The following DNAH9 variants were observed in gnomAD, a reference collection of about 807,000 sequenced individuals.
The protein encoded by DNAH9 is dynein axonemal heavy chain 9.
DNAH9 carries 345 observed loss-of-function variants against 471.6 expected under a neutral mutation model. The observed-to-expected ratio is 0.73, with a 90% confidence interval of 0.67 to 0.80. The LOEUF is 0.80. DNAH9 is among the 30% of genes least tolerant of loss of function. The pLI is 0.00. For missense variants in DNAH9, 5,407 were observed against 5,609.2 expected, an observed-to-expected ratio of 0.96 and a Z score of 1.15; for synonymous variants, 2,093 against 2,123.6, an observed-to-expected ratio of 0.99 and a Z score of 0.40.
intron 60 of DNAH9, among the ~76,000 whole-genome samples, chr17:11,903,543 A>G (rs879285047): frequency 2.6e-5 from 4 of 152,198 alleles, no homozygotes; most frequent in South Asian, 4.1e-4. Flanking sequence ...TTTTTAAAAG[A>G]AAAAAGAAGT....
intron 38 of DNAH9, among the ~76,000 whole-genome samples, chr17:11,771,120 A>C (rs1968187896): frequency 6.6e-6 from 1 of 152,062 alleles, no homozygotes; most frequent in South Asian, 2.1e-4. Context: ...AAGTTTATCT[A>C]TACCTATTTA....
chr17:11,623,062 C>T lies in DNAH9; in HGVS notation c.1350+3281C>T, dbSNP rs1265572556. 6.7e-6 allele frequency among the ~76,000 whole-genome samples: 1 copy of T among 150,032 alleles called. No homozygotes were observed. Among genetic ancestry groups the T allele is most frequent in the East Asian group, 2.0e-4 (1 of 5,090 alleles). On this transcript the variant is annotated intron_variant, in intron 6 of 68. Coordinates refer to ENST00000262442, the MANE Select transcript of DNAH9 (RefSeq NM_001372.4). The surrounding 1 kb of genome is among the most constrained non-coding windows in gnomAD (Gnocchi z 4.1). The stretch of plus-strand genomic sequence containing the variant: ...AATCTCGGCTCACGACAACCTCTGC[C>T]TCCTGGGTTCAAGCGATTCTCCTGC...
In DNAH9 at chr17:11,610,413, A is replaced by C; in HGVS notation, c.632A>C (p.Lys211Thr). ...TTTCACAGCTTGGATTCTATAGATA[A>C]GTCAGTCATCTATGCCATTGAGTCT... ...KSETVLDSID[K>T]SVIYAIESAV... Residue 211 changes from lysine (K) to threonine (T), a missense_variant, in exon 3 of 69, where the codon AAG becomes ACG. Coordinates refer to ENST00000262442, the MANE Select transcript of DNAH9 (RefSeq NM_001372.4). The C allele has an allele frequency of 6.2e-7, 1 of 1,613,462 alleles. No individual in the cohort carries two copies.
chr17:11,713,938 C>T (rs571072847), intron 26 of DNAH9, among the ~76,000 whole-genome samples: 7 of 152,186 alleles, frequency 4.6e-5, no homozygotes, highest in South Asian at 2.1e-4. Context: ...ATATGGGTGG[C>T]GTTGCTCTCA....
intron 20 of DNAH9, among the ~76,000 whole-genome samples, chr17:11,691,257 A>C (rs2074328592): frequency 6.6e-6 from 1 of 152,232 alleles, no homozygotes; most frequent in African/African-American, 2.4e-5. Context: ...AATAGAAAAC[A>C]ATTCTGTATG....
At chr17:11,686,298 G>T (rs998520538) in intron 19 of DNAH9, among the ~76,000 whole-genome samples, 7 of 152,060 alleles carry the variant, frequency 4.6e-5, no homozygotes, top group Non-Finnish European at 1.0e-4. Context: ...CATGAGCGCC[G>T]TATTTTCATT....
intron 26 of DNAH9, among the ~76,000 whole-genome samples, chr17:11,718,034 C>T (rs577584663): frequency 2.2e-5 from 2 of 90,754 alleles, no homozygotes; most frequent in East Asian, 3.5e-4. Context: ...ACACCACACC[C>T]ATCTCATTTG....
chr17:11,781,500 C>G (rs918418503), intron 39 of DNAH9, among the ~76,000 whole-genome samples: 132 of 152,322 alleles, frequency 8.7e-4, no homozygotes, highest in African/African-American at 2.9e-3. Context: ...ACTTCCCCTG[C>G]ACCATGGCCC....
Position 11,807,860 on chromosome 17 carries a change from C to T in DNAH9, c.8549C>T (p.Thr2850Ile), listed in dbSNP as rs987102436. Residue 2850 changes from threonine to isoleucine, a missense_variant, in exon 44 of 69, where the codon ACA becomes ATA. By Grantham distance (89) the Thr-to-Ile change is moderately conservative. This residue lies in a region of DNAH9 where 4,636 missense variants were observed against 4,900.3 expected (regional missense o/e 0.95). Transcript: ENST00000262442. ...FISSMDVFQITLRKGYQIQDF... is the reference protein window; with the variant it reads ...FISSMDVFQIILRKGYQIQDF... ...AGCTCCATGGATGTCTTCCAGATCACACTGCGCAAAGGCTACCAGATCCAG... is the reference window on the plus strand; with the variant it reads ...AGCTCCATGGATGTCTTCCAGATCATACTGCGCAAAGGCTACCAGATCCAG... The T allele has an allele frequency of 1.2e-6, 2 of 1,613,572 alleles. No individual in the cohort carries two copies. Among genetic ancestry groups the T allele is most frequent in the African/African-American group, 2.7e-5 (2 of 74,936 alleles).
At chr17:11,693,022 C>T (rs996375008) in intron 20 of DNAH9, among the ~76,000 whole-genome samples, 5 of 150,050 alleles carry the variant, frequency 3.3e-5, no homozygotes, top group Admixed American at 1.3e-4. Context: ...TCTCCTGCCT[C>T]AGCCTCCTGA....
intron 10 of DNAH9, among the ~76,000 whole-genome samples, chr17:11,644,342 A>G (rs2073337590): frequency 6.6e-6 from 1 of 152,112 alleles, no homozygotes; most frequent in Admixed American, 6.6e-5. Flanking sequence ...GAAGGACCTC[A>G]CATACCTTGT....
intron 67 of DNAH9, among the ~76,000 whole-genome samples, chr17:11,945,108 G>A (rs1442565217): frequency 3.3e-5 from 5 of 152,318 alleles, no homozygotes; most frequent in Non-Finnish European, 5.9e-5. Flanking sequence ...ATGGAGCAGC[G>A]AGGAATGTCA....
intron 15 of DNAH9, among the ~76,000 whole-genome samples, chr17:11,667,785 G>A (rs1459434244): frequency 6.6e-6 from 1 of 152,214 alleles, no homozygotes; most frequent in Non-Finnish European, 1.5e-5. Flanking sequence ...ATCACCTGCA[G>A]TCTCAAGAGT....
At chr17:11,690,478 C>CCAGTTCAGAGGGA in intron 20 of DNAH9, 42 bp downstream of exon 20, 1 of 1,573,376 alleles carries the variant, frequency 6.4e-7, no homozygotes, top group South Asian at 1.2e-5. Context: ...TTCTCTGATC[C>CCAGTTCAGAGGGA]AGGGTGAAGG....
At chr17:11,806,239 A>G (rs1410107831) in intron 43 of DNAH9, among the ~76,000 whole-genome samples, 1 of 152,214 alleles carries the variant, frequency 6.6e-6, no homozygotes, top group African/African-American at 2.4e-5. Flanking sequence ...CTACCCAGGA[A>G]AAGTACATGT....
At chr17:11,927,378 T>A (rs1974367423) in intron 62 of DNAH9, among the ~76,000 whole-genome samples, 2 of 152,250 alleles carry the variant, frequency 1.3e-5, no homozygotes, top group African/African-American at 4.8e-5. Flanking sequence ...TCTAGGGTTC[T>A]TATAGTTTTG....
At chr17:11,703,168 A>G (rs2074634727) in intron 24 of DNAH9, among the ~76,000 whole-genome samples, 1 of 152,026 alleles carries the variant, frequency 6.6e-6, no homozygotes, top group Non-Finnish European at 1.5e-5. Flanking sequence ...CTTGGCTACG[A>G]AGAAGAGAGG....
chr17:11,608,234 G>T lies in DNAH9; in HGVS notation c.523G>T (p.Val175Phe), dbSNP rs773741391. 6.2e-7 allele frequency: 1 copy of T among 1,614,078 alleles called. No homozygotes were observed. The highest frequency in any genetic ancestry group is 8.5e-7 in the Non-Finnish European group (1 of 1,179,944). Residue 175 changes from valine to phenylalanine, a missense_variant, in exon 2 of 69, where the codon GTT becomes TTT. Physicochemically the swap from Val to Phe is conservative, Grantham distance 50 (BLOSUM62 -1). Transcript: ENST00000262442. ...CCACAGCCTCCAATGTGACCTCTCA[G>T]TTATACTTGAGCAAGTGAAGGGAAA... is the stretch of plus-strand genomic sequence containing the variant. Reference protein sequence around the residue: ...HAHSLQCDLSVILEQVKGKTL... With the variant: ...HAHSLQCDLSFILEQVKGKTL...
chr17:11,766,488 C>T (rs1267969768), intron 36 of DNAH9, among the ~76,000 whole-genome samples: 1 of 152,126 alleles, frequency 6.6e-6, no homozygotes, highest in African/African-American at 2.4e-5. Flanking sequence ...CCAGGATAAC[C>T]TATAGCATTG....
Sources: gnomAD v4.1 joint callset for allele counts (sites outside exome capture counted in the v4.1 genomes callset) on GRCh38, gnomAD v4.1.1 for gene constraint, gnomAD v4.1.1 regional missense constraint, Gnocchi (gnomAD v3.1) non-coding constraint, MANE v1.5 for transcripts, NCBI Gene and HGNC (gene_info 2026-07-23, HGNC 2026-07-21) for gene names.